SPHKAP: variants seen among roughly 807,000 people sequenced by gnomAD.
SPHKAP encodes A-kinase anchor protein SPHKAP.
A neutral mutation model predicts 137.5 loss-of-function variants in SPHKAP; 67 were observed. That is an observed-to-expected ratio of 0.49 (90% CI 0.40 to 0.60). SPHKAP has a LOEUF of 0.60. SPHKAP is among the 20% of genes least tolerant of loss of function. The pLI is 0.00. For missense variants in SPHKAP, 2,097 were observed against 2,069.3 expected, an observed-to-expected ratio of 1.01 and a Z score of -0.26; for synonymous variants, 813 against 785.3, an observed-to-expected ratio of 1.04 and a Z score of -0.59.
chr2:228,164,470 T>C (rs911655078), intron 1 of SPHKAP, among the ~76,000 whole-genome samples: 68 of 152,326 alleles, frequency 4.5e-4, no homozygotes, highest in African/African-American at 1.5e-3. Context: ...CCCCCAAACA[T>C]TGTGGTATTG....
chr2:228,059,178 T>G (rs987867117), intron 3 of SPHKAP, among the ~76,000 whole-genome samples: 2 of 152,220 alleles, frequency 1.3e-5, no homozygotes, highest in Non-Finnish European at 2.9e-5. Flanking sequence ...CATGGTTTGT[T>G]TATCCATTCA....
intron 1 of SPHKAP, among the ~76,000 whole-genome samples, chr2:228,150,184 C>A (rs1001902496): frequency 6.6e-6 from 1 of 152,132 alleles, no homozygotes; most frequent in Non-Finnish European, 1.5e-5. Flanking sequence ...AGTTTTATAA[C>A]AATATTATCT....
Position 228,159,937 on chromosome 2 carries a change from G to C in SPHKAP, c.32+21630C>G, listed in dbSNP as rs542852069. ...GACTGCTACTAGGAATCTGTTCTGGGGCTAGGAGCCTGGAGCCAGGAGCTT... is the reference window on the plus strand; with the variant it reads ...GACTGCTACTAGGAATCTGTTCTGGCGCTAGGAGCCTGGAGCCAGGAGCTT... On this transcript the variant is annotated intron_variant, in intron 1 of 11. Coordinates refer to ENST00000392056, the MANE Select transcript of SPHKAP (RefSeq NM_001142644.2). Among the ~76,000 whole-genome samples the C allele has an allele frequency of 7.7e-4, 118 of 152,302 alleles. 1 individual carries two copies. The highest frequency in any genetic ancestry group is 2.8e-3 in the African/African-American group (115 of 41,564).
At position 228,051,715 on chromosome 2, in the gene SPHKAP, C is replaced by T. The variant is rs139829957; in HGVS notation, c.247-24172G>A. Among the ~76,000 whole-genome samples the T allele has an allele frequency of 3.6e-3, 543 of 152,328 alleles. 17 individuals carry two copies. Among genetic ancestry groups the T allele is most frequent in the Admixed American group, 0.032 (494 of 15,292 alleles). On this transcript the variant is annotated intron_variant, in intron 3 of 11. Transcript: ENST00000392056. ...CAGGCTGCTATAACACAATACCTTA[C>T]ACTGGAAAATATTTAAATAAAACAA...
Position 228,018,539 on chromosome 2 carries a change from G to A in SPHKAP, c.2315C>T (p.Ser772Phe). The A allele has an allele frequency of 6.2e-7, 1 of 1,614,002 alleles. No homozygotes were observed. The highest frequency in any genetic ancestry group is 8.5e-7 in the Non-Finnish European group (1 of 1,179,936). The change falls in exon 7 of 12, where the codon TCT becomes TTT. Residue 772 changes from serine (S) to phenylalanine (F), a missense_variant. By Grantham distance (155) the Ser-to-Phe change is radical. Coordinates refer to ENST00000392056, the MANE Select transcript of SPHKAP (RefSeq NM_001142644.2). ...CGTGTTGTGTGAATTGCTAAGTGGA[G>A]AGCTGCTGGAGGATTCAGTGGCTTT... Reference protein sequence around the residue: ...WTKATESSSSSPLSNSHNTSL... With the variant: ...WTKATESSSSFPLSNSHNTSL...
chr2:228,034,766 C>T (rs1214060227), intron 3 of SPHKAP, among the ~76,000 whole-genome samples: 1 of 152,128 alleles, frequency 6.6e-6, no homozygotes, highest in African/African-American at 2.4e-5. Context: ...ATAAACAGAA[C>T]CAAAGATGAA....
At chr2:228,030,543 C>CAAAAAAAAA (rs1553615001) in intron 3 of SPHKAP, among the ~76,000 whole-genome samples, 35 of 78,600 alleles carry the variant, frequency 4.5e-4, no homozygotes, top group East Asian at 8.2e-4. Flanking sequence ...CAACAAAAAA[C>CAAAAAAAAA]AAAAAAAAAA....
intron 3 of SPHKAP, among the ~76,000 whole-genome samples, chr2:228,058,588 T>C (rs1696529882): frequency 6.6e-6 from 1 of 152,148 alleles, no homozygotes. Flanking sequence ...CCGCTCCCCG[T>C]TCACTAACCA....
At chr2:228,176,739 C>T (rs4246659) in intron 1 of SPHKAP, among the ~76,000 whole-genome samples, 72,994 of 152,074 alleles carry the variant, frequency 0.48, 17,779 homozygotes, top group Admixed American at 0.56. Flanking sequence ...GGCGTGGTGG[C>T]GCATGCCTGT....
In SPHKAP at chr2:228,019,418, G is replaced by T. The variant is rs1694747948; in HGVS notation, c.1436C>A (p.Thr479Asn). The T allele has an allele frequency of 6.2e-7, 1 of 1,614,062 alleles. No homozygotes were observed. Among genetic ancestry groups the T allele is most frequent in the African/African-American group, 1.3e-5 (1 of 74,936 alleles). ...GTTCTCTCCAGAGAGGATGCTTGAG[G>T]TTTCAACAGAGACTTCCATCTCAGG... ...SWPEMEVSVE[T>N]SSILSGENSS... The change falls in exon 7 of 12, where the codon ACC becomes AAC. Residue 479 changes from threonine to asparagine, a missense_variant. Physicochemically the swap from Thr to Asn is moderately conservative, Grantham distance 65. Coordinates refer to ENST00000392056, the MANE Select transcript of SPHKAP (RefSeq NM_001142644.2).
chr2:228,092,781 A>AT (rs1697847736), intron 3 of SPHKAP, among the ~76,000 whole-genome samples: 1 of 151,830 alleles, frequency 6.6e-6, no homozygotes, highest in African/African-American at 2.4e-5. Flanking sequence ...ACTGGAGACC[A>AT]TTTTTTGAAG....
intron 1 of SPHKAP, among the ~76,000 whole-genome samples, chr2:228,170,927 C>G (rs1475506291): frequency 1.3e-5 from 2 of 152,010 alleles, no homozygotes; most frequent in African/African-American, 4.8e-5. Context: ...GTTAAGAATA[C>G]TAGAAATTAT....
rs547386358 is a variant in SPHKAP, at chr2:228,144,769, A to G, written c.33-12684T>C. ...CCTTTGAAATCAAATGAAATTTTCA[A>G]TCTTAATACATAGGTTACTGCTTTG... On this transcript the variant is annotated intron_variant, in intron 1 of 11. Transcript: ENST00000392056. Among the ~76,000 whole-genome samples the G allele has an allele frequency of 1.6e-4, 25 of 152,208 alleles. No individual in the cohort carries two copies. The South Asian group carries it at 5.0e-3, about 30-fold the overall frequency.
chr2:228,032,618 A>T (rs1281804816), intron 3 of SPHKAP, among the ~76,000 whole-genome samples: 1 of 152,222 alleles, frequency 6.6e-6, no homozygotes, highest in Non-Finnish European at 1.5e-5. Context: ...TGTTAAGGGC[A>T]GCCAGAGAGA....
At chr2:228,003,513 G>A (rs913702741) in intron 7 of SPHKAP, among the ~76,000 whole-genome samples, 5 of 152,052 alleles carry the variant, frequency 3.3e-5, no homozygotes, top group Non-Finnish European at 5.9e-5. Context: ...CTGCAAACAG[G>A]GACAATTTGA....
At chr2:228,035,563 T>C (rs9751871) in intron 3 of SPHKAP, among the ~76,000 whole-genome samples, 93,896 of 152,000 alleles carry the variant, frequency 0.62, 29,571 homozygotes, top group African/African-American at 0.74. Flanking sequence ...AAAAAGAGCC[T>C]GTATCGCCAA....
intron 1 of SPHKAP, among the ~76,000 whole-genome samples, chr2:228,154,577 C>G (rs1444064662): frequency 3.2e-5 from 3 of 92,830 alleles, no homozygotes; most frequent in Non-Finnish European, 5.8e-5. Flanking sequence ...GAGATGGAGT[C>G]TCGCTCTGTC....
chr2:228,018,889 C>A lies in SPHKAP; in HGVS notation c.1965G>T (p.Gln655His). The change falls in exon 7 of 12, where the codon CAG becomes CAT. Residue 655 changes from glutamine to histidine, a missense_variant. Physicochemically the swap from Gln to His is conservative, Grantham distance 24. Coordinates refer to ENST00000392056, the MANE Select transcript of SPHKAP (RefSeq NM_001142644.2). ...RRIMETASKS[Q>H]TLCSENVVRN... is the part of the protein sequence containing the mutation. ...TGACGACATTTTCTGAGCACAGGGT[C>A]TGAGACTTTGAAGCAGTTTCCATGA... 6.2e-7 allele frequency: 1 copy of A among 1,614,164 alleles called. No homozygotes were observed. Among genetic ancestry groups the A allele is most frequent in the Non-Finnish European group, 8.5e-7 (1 of 1,180,034 alleles).
At chr2:228,042,492 TCATTCAC>T (rs1695890373) in intron 3 of SPHKAP, among the ~76,000 whole-genome samples, 1 of 152,200 alleles carries the variant, frequency 6.6e-6, no homozygotes, top group African/African-American at 2.4e-5. Context: ...CCATTAGCAG[TCATTCAC>T]CATTTCCCCA....
Sources: allele counts gnomAD v4.1 joint callset (sites outside exome capture counted in the v4.1 genomes callset), GRCh38; gene constraint gnomAD v4.1.1; transcripts MANE v1.5; gene names NCBI Gene and HGNC (gene_info 2026-07-23, HGNC 2026-07-21).